Variants in PTPN1 observed in about 807,000 individuals in gnomAD.
The protein encoded by PTPN1 is tyrosine-protein phosphatase non-receptor type 1.
Under a neutral mutation model 59.9 loss-of-function variants are expected in PTPN1, and 12 were observed. That is an observed-to-expected ratio of 0.20 (90% CI 0.13 to 0.32). The LOEUF (loss-of-function observed/expected upper bound fraction) is 0.32. PTPN1 is among the 10% of genes least tolerant of loss of function. The pLI, the probability that PTPN1 is intolerant of heterozygous loss-of-function variation, is 1.00. For synonymous variants in PTPN1, 178 were observed against 203.6 expected (o/e 0.87, Z 1.07); for missense variants, 356 against 549.2 (o/e 0.65, Z 3.52).
At chr20:50,579,428 CAG>C (rs879020646) in intron 7 of PTPN1, 99 bp downstream of exon 7, 16 of 1,331,818 alleles carry the variant, frequency 1.2e-5, no homozygotes, top group South Asian at 2.7e-5. Context: ...CGTCTGGTGT[CAG>C]GGGAAATAGC....
At chr20:50,549,055 C>A (rs977095495) in intron 1 of PTPN1, among the ~76,000 whole-genome samples, 2 of 152,162 alleles carry the variant, frequency 1.3e-5, no homozygotes, top group Admixed American at 6.5e-5. Context: ...ACAAGCTATA[C>A]AATAAATTGC....
intron 2 of PTPN1, 57 bp from the exon 3 acceptor site, chr20:50,564,912 G>A (rs969764408): frequency 2.0e-5 from 32 of 1,608,442 alleles, no homozygotes; most frequent in Middle Eastern, 3.3e-4. Flanking sequence ...GTGTGCACCT[G>A]TATGTACACA....
At chr20:50,511,909 A>G (rs1364130941) in intron 1 of PTPN1, among the ~76,000 whole-genome samples, 1 of 152,156 alleles carries the variant, frequency 6.6e-6, no homozygotes, top group Non-Finnish European at 1.5e-5. Flanking sequence ...ATCTATTTTG[A>G]GCTCCGCTTA....
intron 1 of PTPN1, among the ~76,000 whole-genome samples, chr20:50,535,970 G>T (rs148164761): frequency 6.6e-6 from 1 of 152,284 alleles, no homozygotes; most frequent in African/African-American, 2.4e-5. Flanking sequence ...GGTATCAGTT[G>T]AAAAGAGAAA....
chr20:50,581,874 T>C (rs1047767531), intron 9 of PTPN1, among the ~76,000 whole-genome samples: 2 of 152,178 alleles, frequency 1.3e-5, no homozygotes, highest in African/African-American at 2.4e-5. Flanking sequence ...TAGGCACTTA[T>C]GAAACTTTCT....
chr20:50,572,852 C>T (rs1016855881), intron 4 of PTPN1: 3 of 152,238 alleles, frequency 2.0e-5, no homozygotes, highest in Admixed American at 1.3e-4. Flanking sequence ...ATTAGCGCCT[C>T]CATGCCAAGT....
intron 1 of PTPN1, among the ~76,000 whole-genome samples, chr20:50,515,183 A>C (rs895678912): frequency 6.6e-6 from 1 of 152,352 alleles, no homozygotes; most frequent in Non-Finnish European, 1.5e-5. Flanking sequence ...CATGGCAGCC[A>C]GCTTCCAGTC....
chr20:50,510,393 A>C lies in PTPN1; in HGVS notation c.-135A>C. 1 of 913,516 alleles carries C rather than the reference A, an allele frequency of 1.1e-6. No homozygotes were observed. The highest frequency in any genetic ancestry group is 1.6e-6 in the Non-Finnish European group (1 of 607,908). The allele number at this position is 913,516 out of a possible 1,614,324, so 56.6% of individuals were successfully genotyped here. On this transcript the variant is annotated 5_prime_UTR_variant, in exon 1 of 10. Coordinates refer to ENST00000371621, the MANE Select transcript of PTPN1 (RefSeq NM_002827.4). ...CGGCTGCCGGTTGACATGAAGAAGC[A>C]GCAGCGGCTAGGGCGGCGGTAGCTG...
At chr20:50,581,747 C>CT (rs146387090) in intron 9 of PTPN1, among the ~76,000 whole-genome samples, 3,661 of 150,944 alleles carry the variant, frequency 0.024, 78 homozygotes, top group African/African-American at 0.058. Flanking sequence ...CTGTTTCTCT[C>CT]TCTCTTTTTT....
intron 1 of PTPN1, among the ~76,000 whole-genome samples, chr20:50,547,766 C>T (rs184056191): frequency 9.1e-4 from 139 of 152,308 alleles, no homozygotes; most frequent in African/African-American, 3.1e-3. Flanking sequence ...GAATCTCATT[C>T]TAGCTGGAAA....
chr20:50,512,590 A>G lies in PTPN1; in HGVS notation c.63+2000A>G, dbSNP rs528560151. Among the ~76,000 whole-genome samples, 4 of 152,362 alleles carry G rather than the reference A, an allele frequency of 2.6e-5. No homozygotes were observed. In the East Asian group the frequency reaches 7.7e-4, roughly 29 times the overall value. ...TTTCACTGCTTCTTAATGGATTGCC[A>G]CATTCCCTGAGGTAGTTTCTTTTGG... On this transcript the variant is annotated intron_variant, in intron 1 of 9. Transcript: ENST00000371621.
intron 8 of PTPN1, 142 bp from the exon 9 acceptor site, chr20:50,581,123 G>T (rs1304065126): frequency 5.1e-6 from 7 of 1,371,828 alleles, no homozygotes; most frequent in African/African-American, 1.5e-5. Flanking sequence ...AGCAGAGGGG[G>T]CTGGCTCGCT....
At chr20:50,573,302 C>T (rs971464762) in intron 4 of PTPN1, 1 of 152,330 alleles carries the variant, frequency 6.6e-6, no homozygotes, top group African/African-American at 2.4e-5. Context: ...TTTGCAGTCA[C>T]TGCCTAGGAA....
chr20:50,511,352 G>A (rs1326231075), intron 1 of PTPN1, among the ~76,000 whole-genome samples: 1 of 152,166 alleles, frequency 6.6e-6, no homozygotes, highest in African/African-American at 2.4e-5. Flanking sequence ...ATCAGGGAAG[G>A]CCTGTCAAAG....
At chr20:50,573,824 C>G (rs1401871776) in intron 4 of PTPN1, 1 of 152,066 alleles carries the variant, frequency 6.6e-6, no homozygotes, top group African/African-American at 2.4e-5. Context: ...GTCTTAGACC[C>G]TAAATGAAAC....
chr20:50,579,162 T>A lies in PTPN1; in HGVS notation c.703-6T>A, dbSNP rs1568797842. 1 of 1,614,072 alleles carries A rather than the reference T, an allele frequency of 6.2e-7. No individual in the cohort carries two copies. Among genetic ancestry groups the A allele is most frequent in the Non-Finnish European group, 8.5e-7 (1 of 1,179,924 alleles). ...GGCTGACTTATATCTCCTCTCTGGC[T>A]TTCAGATGGACAAGAGGAAAGACCC... On this transcript the variant is annotated splice_polypyrimidine_tract_variant and splice_region_variant and intron_variant, in intron 6 of 9. Transcript: ENST00000371621.
At chr20:50,544,722 T>G (rs997989048) in intron 1 of PTPN1, among the ~76,000 whole-genome samples, 1 of 152,118 alleles carries the variant, frequency 6.6e-6, no homozygotes, top group African/African-American at 2.4e-5. Context: ...TTGCCGTACC[T>G]GAGAAGCAAG....
At chr20:50,524,569 CTTTTTTTTT>C (rs764474360) in intron 1 of PTPN1, among the ~76,000 whole-genome samples, 9 of 45,780 alleles carry the variant, frequency 2.0e-4, no homozygotes, top group East Asian at 6.3e-4. Flanking sequence ...ATTATGTGGT[CTTTTTTTTT>C]TTTTTTTTTT....
At chr20:50,526,834 C>T (rs529715509) in intron 1 of PTPN1, among the ~76,000 whole-genome samples, 1 of 152,266 alleles carries the variant, frequency 6.6e-6, no homozygotes, top group East Asian at 1.9e-4. Flanking sequence ...TACCTACCAC[C>T]TCTAGCCCTG....
Sources: allele counts gnomAD v4.1 joint callset (sites outside exome capture counted in the v4.1 genomes callset), GRCh38; gene constraint gnomAD v4.1.1; transcripts MANE v1.5; gene names NCBI Gene and HGNC (gene_info 2026-07-23, HGNC 2026-07-21).